The following RMDN1 variants were observed in gnomAD, a reference collection of about 807,000 sequenced individuals.
RMDN1 encodes regulator of microtubule dynamics 1.
RMDN1 carries 48 observed loss-of-function variants against 48.9 expected under a neutral mutation model. The ratio of observed to expected loss-of-function variants is 0.98; its 90% CI spans 0.78 to 1.25. The LOEUF (loss-of-function observed/expected upper bound fraction) is 1.25, where lower values mean the gene tolerates loss of function less well. RMDN1 is among the 50% of genes most tolerant of loss of function. The probability of loss-of-function intolerance (pLI) is 0.00; values close to 1 mark genes in which losing one functional copy is unlikely to be tolerated. For missense variants in RMDN1, 418 were observed against 373.4 expected, an observed-to-expected ratio of 1.12 and a Z score of -0.98; for synonymous variants, 148 against 132.6, an observed-to-expected ratio of 1.12 and a Z score of -0.80.
intron 2 of RMDN1, chr8:86,505,133 T>G (rs1016577784): frequency 7.7e-7 from 1 of 1,304,206 alleles, no homozygotes; most frequent in African/African-American, 1.5e-5. Flanking sequence ...AGAGACCTCA[T>G]CAGGATGAAC....
chr8:86,498,003 T>C (rs1374684633), intron 2 of RMDN1, among the ~76,000 whole-genome samples: 1 of 149,718 alleles, frequency 6.7e-6, no homozygotes, highest in Non-Finnish European at 1.5e-5. Flanking sequence ...GGCTGAGGCA[T>C]GAGAGTCGCT....
At chr8:86,474,563 T>C in intron 9 of RMDN1, 1 of 700,260 alleles carries the variant, frequency 1.4e-6, no homozygotes, top group South Asian at 1.6e-5. Flanking sequence ...TTTAGAAATG[T>C]TAACTCGATC....
At chr8:86,475,142 A>G (rs747109826) in intron 8 of RMDN1, 189 bp from the exon 9 acceptor site, 2 of 508,948 alleles carry the variant, frequency 3.9e-6, no homozygotes, top group Non-Finnish European at 6.8e-6. Flanking sequence ...ACCAATGAAT[A>G]AACATCTACA....
chr8:86,474,157 G>A lies in RMDN1; in HGVS notation c.*151C>T. On this transcript the variant is annotated 3_prime_UTR_variant, in exon 10 of 10. Transcript: ENST00000406452. ...GATTATTTATTTTACCCTATTATTT[G>A]TGAAGAAGCCTAGAATATTTTATAT... 7.2e-7 allele frequency: 1 copy of A among 1,391,064 alleles called. No homozygotes were observed. The highest frequency in any genetic ancestry group is 9.3e-7 in the Non-Finnish European group (1 of 1,073,744). 86.2% of individuals were successfully genotyped at this position (1,391,064 alleles called of 1,614,324 possible).
intron 2 of RMDN1, 146 bp from the exon 3 acceptor site, chr8:86,488,785 G>C (rs1815952132): frequency 2.1e-6 from 1 of 469,000 alleles, no homozygotes; most frequent in African/African-American, 2.0e-5. Flanking sequence ...GCAGAAATTA[G>C]GAAGAACCTA....
rs767697869 is a variant in RMDN1 at position 86,508,657 on chromosome 8, G to A, written c.-37C>T. Reference sequence around the variant, plus strand: ...TGCGGGCTGACCCTGCACTACTTCAGGCAGCTACGGAGGCGGGCGGGGCTA... The same window carrying A: ...TGCGGGCTGACCCTGCACTACTTCAAGCAGCTACGGAGGCGGGCGGGGCTA... On this transcript the variant is annotated 5_prime_UTR_variant, in exon 1 of 10. Coordinates refer to ENST00000406452, the MANE Select transcript of RMDN1 (RefSeq NM_016033.3). 1.3e-6 allele frequency: 2 copies of A among 1,565,512 alleles called. No homozygotes were observed. The highest frequency in any genetic ancestry group is 1.7e-6 in the Non-Finnish European group (2 of 1,154,776).
At position 86,473,868 on chromosome 8, in the gene RMDN1, C is replaced by G. The variant is rs1812920916; in HGVS notation, c.*440G>C. On this transcript the variant is annotated 3_prime_UTR_variant, in exon 10 of 10. Coordinates refer to ENST00000406452, the MANE Select transcript of RMDN1 (RefSeq NM_016033.3). ...GATATATCATTTAACTACTTTATGT[C>G]AGGAACCCACAACATCCTAACCACT... 1.0e-6 allele frequency: 1 copy of G among 990,396 alleles called. No homozygotes were observed. Among genetic ancestry groups the G allele is most frequent in the Non-Finnish European group, 1.2e-6 (1 of 833,412 alleles). The allele number at this position is 990,396 out of a possible 1,614,324, so 61.4% of individuals were successfully genotyped here.
intron 2 of RMDN1, 85 bp downstream of exon 2, chr8:86,506,910 C>T (rs1447820979): frequency 9.8e-6 from 7 of 717,282 alleles, no homozygotes; most frequent in Non-Finnish European, 1.5e-5. Context: ...TTAACATTAC[C>T]CTGATTCTTT....
chr8:86,485,020 G>T, intron 4 of RMDN1, 59 bp from the exon 5 acceptor site: 1 of 940,878 alleles, frequency 1.1e-6, no homozygotes. Flanking sequence ...TCAATACAAG[G>T]TAAAACTGTA....
rs942999908 is a variant in RMDN1 at position 86,472,444 on chromosome 8, C to T, written c.*1864G>A. 1.1e-5 allele frequency: 8 copies of T among 702,462 alleles called. No homozygotes were observed. The African/African-American group carries it at 1.4e-4, about 12-fold the overall frequency. 43.5% of individuals were successfully genotyped at this position (702,462 alleles called of 1,614,324 possible). A position where few individuals can be genotyped will look rare whatever the true frequency, so the allele number is the denominator to read the frequency against. On this transcript the variant is annotated 3_prime_UTR_variant, in exon 10 of 10. Coordinates refer to ENST00000406452, the MANE Select transcript of RMDN1 (RefSeq NM_016033.3). ...AATGCCACATCCCTAGAAAGACCCA[C>T]TTCCTGGCCCTTCAGCTGCTTCTGT...
intron 4 of RMDN1, 117 bp from the exon 5 acceptor site, chr8:86,485,078 T>C (rs1815237714): frequency 1.7e-6 from 1 of 574,232 alleles, no homozygotes; most frequent in Non-Finnish European, 3.0e-6. Context: ...TTACTGAGCA[T>C]AAAAACTGTA....
At chr8:86,508,897 G>T, upstream of RMDN1, 3 of 803,676 alleles carry the variant, frequency 3.7e-6, no homozygotes, top group Non-Finnish European at 4.9e-6. Context: ...GCTCTGACTT[G>T]TTTCTGCTCC....
chr8:86,500,992 A>C (rs917012367), intron 2 of RMDN1, among the ~76,000 whole-genome samples: 1 of 152,184 alleles, frequency 6.6e-6, no homozygotes, highest in Non-Finnish European at 1.5e-5. Context: ...TGGGCACTAA[A>C]CACTGAGTAC....
At chr8:86,504,563 A>G (rs1295803117) in intron 2 of RMDN1, 8 of 1,265,324 alleles carry the variant, frequency 6.3e-6, no homozygotes, top group African/African-American at 1.5e-5. Flanking sequence ...TTTCTGCTGC[A>G]AAGGGCAGGA....
intron 2 of RMDN1, among the ~76,000 whole-genome samples, chr8:86,489,229 C>T (rs1450473711): frequency 3.9e-5 from 6 of 152,198 alleles, no homozygotes; most frequent in African/African-American, 1.4e-4. Flanking sequence ...GAGCTGTCAT[C>T]AGAAATTTAG....
intron 2 of RMDN1, among the ~76,000 whole-genome samples, chr8:86,497,674 C>T (rs901875216): frequency 4.8e-5 from 7 of 145,110 alleles, no homozygotes; most frequent in African/African-American, 1.8e-4. Flanking sequence ...GCACTCCAGC[C>T]TGAGCAACAG....
chr8:86,476,675 A>C (rs746311311), intron 8 of RMDN1, among the ~76,000 whole-genome samples: 1 of 152,140 alleles, frequency 6.6e-6, no homozygotes, highest in African/African-American at 2.4e-5. Context: ...TTCCCATTTA[A>C]ATGCCTCTAA....
intron 6 of RMDN1, 25 bp from the exon 7 acceptor site, chr8:86,479,035 T>A: frequency 1.3e-6 from 2 of 1,499,994 alleles, no homozygotes; most frequent in Non-Finnish European, 1.9e-6. Context: ...AACAATTTTA[T>A]ACATTCAAAT....
intron 1 of RMDN1, 85 bp downstream of exon 1, chr8:86,508,407 G>C (rs1252608436): frequency 2.6e-5 from 36 of 1,405,634 alleles, no homozygotes; most frequent in Non-Finnish European, 3.1e-5. Flanking sequence ...CTTAGGCAGC[G>C]CGGGGCCGCC....
Sources: allele counts gnomAD v4.1 joint callset (sites outside exome capture counted in the v4.1 genomes callset), GRCh38; gene constraint gnomAD v4.1.1; transcripts MANE v1.5; gene names NCBI Gene and HGNC (gene_info 2026-07-23, HGNC 2026-07-21).